Variants in IL1RAPL2 observed in about 807,000 individuals in gnomAD.
IL1RAPL2 encodes X-linked interleukin-1 receptor accessory protein-like 2.
A neutral mutation model predicts 44.1 loss-of-function variants in IL1RAPL2; 3 were observed. That is an observed-to-expected ratio of 0.07 (90% CI 0.03 to 0.18). The LOEUF (loss-of-function observed/expected upper bound fraction) is 0.18, where lower values mean the gene tolerates loss of function less well. Ranked by LOEUF, IL1RAPL2 falls within the 10% of genes least tolerant of loss-of-function variation. IL1RAPL2 has a pLI of 1.00. For synonymous variants in IL1RAPL2, 181 were observed against 178.8 expected, an observed-to-expected ratio of 1.01 and a Z score of -0.10; for missense variants, 391 against 496.4, an observed-to-expected ratio of 0.79 and a Z score of 2.02.
intron 4 of IL1RAPL2, among the ~76,000 whole-genome samples, chrX:105,261,934 C>G (rs1180681294): frequency 9.0e-6 from 1 of 111,730 alleles, no homozygotes; most frequent in Admixed American, 9.5e-5. Context: ...TCTCTCCCAC[C>G]CACTACTTGA....
intron 6 of IL1RAPL2, among the ~76,000 whole-genome samples, chrX:105,705,997 A>G (rs2038162828): frequency 9.0e-6 from 1 of 111,719 alleles, no homozygotes; most frequent in South Asian, 3.7e-4. Flanking sequence ...TTAATTTTAT[A>G]GCATTTAGTA....
At position 105,411,916 on chromosome X, in the gene IL1RAPL2, T is replaced by C. The variant is rs1455399278; in HGVS notation, c.698-72397T>C. Reference sequence around the variant, plus strand: ...ATCATGTGTTAGGCCACAAAACAAATATTGACAAATTTAGGAAGAAAAAGA... The same window carrying C: ...ATCATGTGTTAGGCCACAAAACAAACATTGACAAATTTAGGAAGAAAAAGA... On this transcript the variant is annotated intron_variant, in intron 5 of 10. Transcript: ENST00000372582. Among the ~76,000 whole-genome samples the C allele has an allele frequency of 2.7e-5, 3 of 111,662 alleles. No individual in the cohort carries two copies. The East Asian group carries it at 8.4e-4, about 31-fold the overall frequency.
intron 3 of IL1RAPL2, among the ~76,000 whole-genome samples, chrX:105,211,546 T>G (rs1378814589): frequency 9.0e-6 from 1 of 111,319 alleles, no homozygotes; most frequent in Non-Finnish European, 1.9e-5. Flanking sequence ...TAGAGACTCC[T>G]GGAATGCAGG....
chrX:105,552,940 A>C lies in IL1RAPL2; in HGVS notation c.772+68553A>C, dbSNP rs777567741. On this transcript the variant is annotated intron_variant, in intron 6 of 10. Transcript: ENST00000372582. Reference sequence around the variant, plus strand: ...GTTAAGTATTCTTTATACTCTAATAAGTTTTATTTTCCAATATCATATTAT... The same window carrying C: ...GTTAAGTATTCTTTATACTCTAATACGTTTTATTTTCCAATATCATATTAT... Among the ~76,000 whole-genome samples the C allele has an allele frequency of 3.2e-3, 359 of 112,239 alleles. 3 individuals are homozygous for C. Among genetic ancestry groups the C allele is most frequent in the African/African-American group, 0.011 (346 of 30,963 alleles).
intron 6 of IL1RAPL2, among the ~76,000 whole-genome samples, chrX:105,585,268 GTTGA>G (rs750378277): frequency 9.1e-6 from 1 of 109,575 alleles, no homozygotes; most frequent in Non-Finnish European, 1.9e-5. Flanking sequence ...TTTTGATGTT[GTTGA>G]TTGTGAATTT....
chrX:105,682,218 T>A (rs1173311463), intron 6 of IL1RAPL2, among the ~76,000 whole-genome samples: 1 of 112,079 alleles, frequency 8.9e-6, no homozygotes, highest in South Asian at 3.6e-4. Flanking sequence ...GATGAATATA[T>A]CCTTTACAGA....
intron 5 of IL1RAPL2, among the ~76,000 whole-genome samples, chrX:105,356,952 G>A (rs943063949): frequency 5.4e-5 from 6 of 111,635 alleles, no homozygotes; most frequent in Non-Finnish European, 7.5e-5. Flanking sequence ...TCTGGCTCAC[G>A]GTAAGCTCTA....
intron 2 of IL1RAPL2, among the ~76,000 whole-genome samples, chrX:104,711,268 G>A (rs1016086701): frequency 1.8e-5 from 2 of 111,444 alleles, no homozygotes; most frequent in Non-Finnish European, 3.8e-5. Flanking sequence ...ATACATGACT[G>A]TATGCATGTT....
At chrX:105,204,525 G>A (rs1306554309) in intron 3 of IL1RAPL2, among the ~76,000 whole-genome samples, 1 of 111,822 alleles carries the variant, frequency 8.9e-6, no homozygotes, top group African/African-American at 3.2e-5. Flanking sequence ...CTAATATTGT[G>A]CCTATCACTA....
At position 104,865,911 on chromosome X, in the gene IL1RAPL2, C is replaced by T. The variant is rs149502036; in HGVS notation, c.82+206916C>T. On this transcript the variant is annotated intron_variant, in intron 2 of 10. Transcript: ENST00000372582. ...CAGATGGCCTATTGTGGGATTTCACCTTGTGATCCTGTCAGTCAATTCTCC... is the reference window on the plus strand; with the variant it reads ...CAGATGGCCTATTGTGGGATTTCACTTTGTGATCCTGTCAGTCAATTCTCC... 8.2e-3 allele frequency among the ~76,000 whole-genome samples: 925 copies of T among 112,183 alleles called. 12 individuals are homozygous for T. The highest frequency in any genetic ancestry group is 0.028 in the African/African-American group (869 of 30,920).
chrX:104,936,723 C>T (rs751885392), intron 2 of IL1RAPL2, among the ~76,000 whole-genome samples: 7 of 105,755 alleles, frequency 6.6e-5, no homozygotes, highest in Non-Finnish European at 1.4e-4. Flanking sequence ...CTCAGGTTCA[C>T]GCTATTCTCC....
intron 3 of IL1RAPL2, among the ~76,000 whole-genome samples, chrX:105,199,127 A>T (rs1218234102): frequency 9.1e-6 from 1 of 110,424 alleles, no homozygotes; most frequent in African/African-American, 3.3e-5. Flanking sequence ...TTCCCCACTT[A>T]CTTATGTGTT....
intron 5 of IL1RAPL2, among the ~76,000 whole-genome samples, chrX:105,346,380 A>G (rs762977519): frequency 3.6e-5 from 4 of 112,433 alleles, no homozygotes; most frequent in Non-Finnish European, 7.5e-5. Context: ...TATAAAAACA[A>G]GAAAAAAGAA....
At chrX:104,649,366 C>T (rs1008379912) in intron 1 of IL1RAPL2, among the ~76,000 whole-genome samples, 10 of 111,579 alleles carry the variant, frequency 9.0e-5, no homozygotes, top group African/African-American at 3.3e-4. Flanking sequence ...GACTAGGTAA[C>T]TATTGAGGTC....
At chrX:105,585,837 G>T (rs925445687) in intron 6 of IL1RAPL2, among the ~76,000 whole-genome samples, 1 of 112,196 alleles carries the variant, frequency 8.9e-6, no homozygotes, top group African/African-American at 3.2e-5. Flanking sequence ...ATGCATGTGT[G>T]TATCTTTATA....
intron 8 of IL1RAPL2, among the ~76,000 whole-genome samples, chrX:105,746,744 C>A (rs2038546103): frequency 8.9e-6 from 1 of 111,913 alleles, no homozygotes; most frequent in Admixed American, 9.5e-5. Context: ...AGTTTTCCAT[C>A]TACCTAATAG....
At chrX:104,725,667 C>CCATTTGAA (rs1931774837) in intron 2 of IL1RAPL2, among the ~76,000 whole-genome samples, 1 of 112,218 alleles carries the variant, frequency 8.9e-6, no homozygotes, top group East Asian at 2.8e-4. Context: ...TGTTTGTTGG[C>CCATTTGAA]TGCATAAATG....
chrX:104,632,633 GCTCT>G (rs1929678062), intron 1 of IL1RAPL2, among the ~76,000 whole-genome samples: 1 of 106,766 alleles, frequency 9.4e-6, no homozygotes, highest in African/African-American at 3.4e-5. Context: ...TCATGATTTG[GCTCT>G]CTGTTTGTCT....
chrX:105,550,963 A>T (rs2036848179), intron 6 of IL1RAPL2, among the ~76,000 whole-genome samples: 1 of 111,511 alleles, frequency 9.0e-6, no homozygotes, highest in Non-Finnish European at 1.9e-5. Flanking sequence ...ACATACATAA[A>T]TACATACATA....
Sources: gnomAD v4.1 joint callset for allele counts (sites outside exome capture counted in the v4.1 genomes callset) on GRCh38, gnomAD v4.1.1 for gene constraint, MANE v1.5 for transcripts, NCBI Gene and HGNC (gene_info 2026-07-23, HGNC 2026-07-21) for gene names.